Variants in ZFHX3 observed in about 807,000 individuals in gnomAD.
ZFHX3 encodes zinc finger homeobox protein 3.
A neutral mutation model predicts 279.1 loss-of-function variants in ZFHX3; 42 were observed. The ratio of observed to expected loss-of-function variants is 0.15; its 90% CI spans 0.12 to 0.19. The LOEUF is 0.19. Among genes scored for constraint, ZFHX3 ranks in the 10% least tolerant of loss-of-function variants. The pLI is 1.00. For synonymous variants in ZFHX3, 2,293 were observed against 1,957.8 expected (o/e 1.17, Z -4.52); for missense variants, 4,981 against 4,754.0 (o/e 1.05, Z -1.40).
At chr16:72,939,936 T>C (rs1456215260) in intron 3 of ZFHX3, among the ~76,000 whole-genome samples, 1 of 152,084 alleles carries the variant, frequency 6.6e-6, no homozygotes, top group Non-Finnish European at 1.5e-5. Flanking sequence ...CACCACACCC[T>C]GATAATTTTT....
intron 3 of ZFHX3, among the ~76,000 whole-genome samples, chr16:73,419,052 G>T (rs1466784958): frequency 6.6e-6 from 1 of 152,220 alleles, no homozygotes; most frequent in Non-Finnish European, 1.5e-5. Context: ...CAGTGGCAAG[G>T]TTTTGGACAA....
chr16:73,107,350 T>G (rs1317930915), intron 7 of ZFHX3, among the ~76,000 whole-genome samples: 3 of 152,036 alleles, frequency 2.0e-5, no homozygotes, highest in African/African-American at 7.2e-5. Context: ...ATAAAAAAAT[T>G]GATTCCTCTT....
chr16:73,123,780 G>T (rs1966527897), intron 7 of ZFHX3, among the ~76,000 whole-genome samples: 1 of 152,054 alleles, frequency 6.6e-6, no homozygotes, highest in Non-Finnish European at 1.5e-5. Context: ...AGGTTATGAG[G>T]GTAGAGCCCT....
At chr16:73,321,522 TCCATTGCAA>T (rs1351045386) in intron 3 of ZFHX3, among the ~76,000 whole-genome samples, 1 of 152,238 alleles carries the variant, frequency 6.6e-6, no homozygotes. Flanking sequence ...CAGCATTGTT[TCCATTGCAA>T]CTTTAGCAAC....
intron 1 of ZFHX3, among the ~76,000 whole-genome samples, chr16:73,692,306 G>A (rs1020053582): frequency 1.3e-5 from 2 of 152,084 alleles, no homozygotes; most frequent in African/African-American, 4.8e-5. Context: ...TTTGTAATGT[G>A]AAATCAGTAC....
At chr16:72,890,526 A>C in intron 3 of ZFHX3, among the ~76,000 whole-genome samples, 1 of 149,626 alleles carries the variant, frequency 6.7e-6, no homozygotes. Context: ...CAGAGTACCC[A>C]GCACCCTTCT....
At chr16:72,878,002 C>A (rs913244477) in intron 4 of ZFHX3, among the ~76,000 whole-genome samples, 2 of 151,812 alleles carry the variant, frequency 1.3e-5, no homozygotes, top group Non-Finnish European at 2.9e-5. Flanking sequence ...CAAGAACAGC[C>A]CTGACAACAT....
At chr16:73,086,074 C>A (rs1966009333) in intron 8 of ZFHX3, among the ~76,000 whole-genome samples, 1 of 146,254 alleles carries the variant, frequency 6.8e-6, no homozygotes, top group Admixed American at 6.9e-5. Flanking sequence ...ATATGTATGA[C>A]AAATGGCCAA....
chr16:73,601,409 G>A (rs1424647764), intron 2 of ZFHX3, among the ~76,000 whole-genome samples: 1 of 150,464 alleles, frequency 6.6e-6, no homozygotes, highest in Non-Finnish European at 1.5e-5. Context: ...GGTGGAGGTT[G>A]CAGTGAGCCG....
chr16:72,964,701 C>T (rs1010013728), intron 1 of ZFHX3, among the ~76,000 whole-genome samples: 2 of 150,682 alleles, frequency 1.3e-5, no homozygotes, highest in South Asian at 4.2e-4. Flanking sequence ...AATTGAAAAC[C>T]ATCATACTGG....
At chr16:73,372,582 T>C (rs1047465339) in intron 3 of ZFHX3, among the ~76,000 whole-genome samples, 2 of 152,232 alleles carry the variant, frequency 1.3e-5, no homozygotes, top group African/African-American at 4.8e-5. Context: ...AATGAAGTTG[T>C]TGTTTAATTA....
intron 1 of ZFHX3, among the ~76,000 whole-genome samples, chr16:73,703,367 TAAC>T (rs556304114): frequency 9.9e-5 from 15 of 151,794 alleles, no homozygotes; most frequent in African/African-American, 3.6e-4. Flanking sequence ...TCATTAAAAA[TAAC>T]AACCCACCTA....
At chr16:72,878,164 A>T (rs1430563730) in intron 4 of ZFHX3, among the ~76,000 whole-genome samples, 1 of 152,196 alleles carries the variant, frequency 6.6e-6, no homozygotes, top group African/African-American at 2.4e-5. Flanking sequence ...GCCTGTGTAA[A>T]GACCCTGTCT....
At chr16:73,752,092 G>C (rs769243369) in intron 1 of ZFHX3, among the ~76,000 whole-genome samples, 1 of 152,134 alleles carries the variant, frequency 6.6e-6, no homozygotes, top group Non-Finnish European at 1.5e-5. Context: ...ATGGAGCTGT[G>C]GTCCAGAGAG....
At position 73,454,077 on chromosome 16, in the gene ZFHX3, C is replaced by T. The variant is rs189080926; in HGVS notation, c.-1291+1926G>A. 4.6e-3 allele frequency among the ~76,000 whole-genome samples: 693 copies of T among 152,172 alleles called. 2 individuals are homozygous for T. Among genetic ancestry groups the T allele is most frequent in the Non-Finnish European group, 7.2e-3 (492 of 67,992 alleles). ...AGCTCAGCCTTAGACATCAGGGAGCCGAGGTAGGGCATTCCCACTGCATCC... is the reference window on the plus strand; with the variant it reads ...AGCTCAGCCTTAGACATCAGGGAGCTGAGGTAGGGCATTCCCACTGCATCC... On this transcript the variant is annotated intron_variant, in intron 3 of 17. Coordinates refer to the ZFHX3 transcript ENST00000641206.
At chr16:73,535,056 A>G (rs984244024) in intron 2 of ZFHX3, among the ~76,000 whole-genome samples, 2 of 151,918 alleles carry the variant, frequency 1.3e-5, no homozygotes, top group African/African-American at 4.8e-5. Flanking sequence ...AAAGCAAAAA[A>G]CTTTGATTTG....
intron 5 of ZFHX3, among the ~76,000 whole-genome samples, chr16:73,250,285 C>T (rs940484060): frequency 6.6e-6 from 1 of 152,194 alleles, no homozygotes; most frequent in South Asian, 2.1e-4. Context: ...TCAATGAACA[C>T]TAAGTTGACA....
intron 1 of ZFHX3, among the ~76,000 whole-genome samples, chr16:73,007,673 C>T (rs1963760210): frequency 6.6e-6 from 1 of 152,086 alleles, no homozygotes; most frequent in Non-Finnish European, 1.5e-5. Context: ...GTCTCAACTC[C>T]TGACCTCGTG....
chr16:73,375,197 C>T (rs758401535), intron 3 of ZFHX3, among the ~76,000 whole-genome samples: 3 of 152,060 alleles, frequency 2.0e-5, no homozygotes, highest in Non-Finnish European at 4.4e-5. Context: ...TATAAACTCA[C>T]GGATTTAAAC....
Sources: gnomAD v4.1 joint callset for allele counts (sites outside exome capture counted in the v4.1 genomes callset) on GRCh38, gnomAD v4.1.1 for gene constraint, MANE v1.5 for transcripts, NCBI Gene and HGNC (gene_info 2026-07-23, HGNC 2026-07-21) for gene names.